The following WNT5A variants were observed in gnomAD, a reference collection of about 807,000 sequenced individuals.
WNT5A encodes the protein Wnt family member 5A.
In WNT5A, 9 loss-of-function variants were observed where a neutral mutation model predicts 42.1. The observed-to-expected ratio is 0.21, with a 90% confidence interval of 0.13 to 0.37. The LOEUF (loss-of-function observed/expected upper bound fraction) is 0.37. Among genes scored for constraint, WNT5A ranks in the 10% least tolerant of loss-of-function variants. The pLI, the probability that WNT5A is intolerant of heterozygous loss-of-function variation, is 1.00. For synonymous variants in WNT5A, 210 were observed against 210.0 expected, an observed-to-expected ratio of 1.00 and a Z score of 0.00; for missense variants, 426 against 534.0, an observed-to-expected ratio of 0.80 and a Z score of 1.99.
chr3:55,474,365 T>C lies in WNT5A; in HGVS notation c.656A>G (p.Asn219Ser). 1 of 1,612,852 alleles carries C rather than the reference T, an allele frequency of 6.2e-7. No individual in the cohort carries two copies. Among genetic ancestry groups the C allele is most frequent in the Non-Finnish European group, 8.5e-7 (1 of 1,179,764 alleles). Residue 219 changes from asparagine (N) to serine (S), a missense_variant, in exon 4 of 5, where the codon AAC becomes AGC. Physicochemically the swap from Asn to Ser is conservative, Grantham distance 46. Coordinates refer to ENST00000264634, the MANE Select transcript of WNT5A (RefSeq NM_003392.7). Reference sequence around the variant, plus strand: ...GCGGCCGGCCTCGTTGTTGTGCAGGTTCATGAGGATGCGAGCACTCTCGTA... The same window carrying C: ...GCGGCCGGCCTCGTTGTTGTGCAGGCTCATGAGGATGCGAGCACTCTCGTA... ...GSYESARILM[N>S]LHNNEAGRRT...
chr3:55,486,939 G>T (rs2051588812), intron 1 of WNT5A, 41 bp downstream of exon 1: 2 of 1,540,678 alleles, frequency 1.3e-6, no homozygotes, highest in Middle Eastern at 1.7e-4. Flanking sequence ...AGGGGGTGGG[G>T]GGAAGTAAAG....
Position 55,485,700 on chromosome 3 carries a change from A to T in WNT5A, c.6+1280T>A, listed in dbSNP as rs186114249. Among the ~76,000 whole-genome samples the T allele has an allele frequency of 1.9e-3, 284 of 152,212 alleles. 2 individuals carry two copies. The highest frequency in any genetic ancestry group is 3.0e-3 in the Non-Finnish European group (203 of 68,010). On this transcript the variant is annotated intron_variant, in intron 1 of 4. Transcript: ENST00000264634. ...GCAGGGGCTGAGGAGGTGCGACCTC[A>T]CCGCAAGGCCCAAGTTACTTCCAAA... is the stretch of plus-strand genomic sequence containing the variant.
chr3:55,500,866 C>T, the WNT5A span, among the ~76,000 whole-genome samples: 1 of 152,182 alleles, frequency 6.6e-6, no homozygotes, highest in Admixed American at 6.5e-5. Flanking sequence ...AAGAACATGA[C>T]TCTGTAATAA....
At chr3:55,475,922 G>A (rs1482495057) in intron 3 of WNT5A, among the ~76,000 whole-genome samples, 3 of 152,078 alleles carry the variant, frequency 2.0e-5, no homozygotes, top group East Asian at 1.9e-4. Context: ...CAGCTGAAGC[G>A]TGGGGTAGGG....
chr3:55,495,207 T>G (rs187823571), upstream of WNT5A, among the ~76,000 whole-genome samples: 1 of 152,230 alleles, frequency 6.6e-6, no homozygotes, highest in Non-Finnish European at 1.5e-5. Context: ...CATCGAAAAT[T>G]TGTAGTCTTA....
rs907091037 is a variant in WNT5A at position 55,474,202 on chromosome 3, C to T, written c.684+135G>A. On this transcript the variant is annotated intron_variant, in intron 4 of 4. Coordinates refer to ENST00000264634, the MANE Select transcript of WNT5A (RefSeq NM_003392.7). ...AGATAGGGAGAGACAGAAAGAGAAG[C>T]AGAGAGATAGAGACAGGACCATATA... is the stretch of plus-strand genomic sequence containing the variant. 5.6e-6 allele frequency: 6 copies of T among 1,078,966 alleles called. No individual in the cohort carries two copies. In the South Asian group the frequency reaches 7.7e-5, roughly 14 times the overall value. 66.8% of individuals were successfully genotyped at this position (1,078,966 alleles called of 1,614,324 possible).
chr3:55,490,133 C>T (rs887583241), upstream of WNT5A: 3 of 152,298 alleles, frequency 2.0e-5, no homozygotes, highest in Non-Finnish European at 4.4e-5. Context: ...CCCAGTGTCC[C>T]AGAGTCCAAG....
upstream of WNT5A, chr3:55,487,379 G>C (rs576476610): frequency 1.6e-4 from 43 of 262,750 alleles, no homozygotes; most frequent in African/African-American, 9.0e-4. Flanking sequence ...CCCAAATGTG[G>C]GCGTGATTGT....
At position 55,469,074 on chromosome 3, in the gene WNT5A, G is replaced by A. The variant is rs1244360067; in HGVS notation, c.*1018C>T. On this transcript the variant is annotated 3_prime_UTR_variant, in exon 5 of 5. Transcript: ENST00000264634. The stretch of plus-strand genomic sequence containing the variant: ...ATCAGAGAGGGCTCAGTGTGAAGAG[G>A]AAGGTGGATTTCACTGTTTTTCCTC... 6.6e-6 allele frequency: 1 copy of A among 152,224 alleles called. No individual in the cohort carries two copies. The highest frequency in any genetic ancestry group is 1.5e-5 in the Non-Finnish European group (1 of 68,056). The allele number at this position is 152,224 out of a possible 1,614,324, so 9.4% of individuals were successfully genotyped here.
chr3:55,490,224 G>A (rs1559561684), upstream of WNT5A: 1 of 152,234 alleles, frequency 6.6e-6, no homozygotes, highest in Non-Finnish European at 1.5e-5. Context: ...AGCCAGTCTA[G>A]AAATACTGGC....
intron 4 of WNT5A, among the ~76,000 whole-genome samples, chr3:55,471,834 C>T (rs972143793): frequency 1.3e-5 from 2 of 152,214 alleles, no homozygotes; most frequent in East Asian, 1.9e-4. Flanking sequence ...TGTCAGGAAC[C>T]TGGAAGCTGG....
Position 55,487,097 on chromosome 3 carries a change from G to T in WNT5A, c.-112C>A. The T allele has an allele frequency of 2.2e-6, 2 of 909,050 alleles. No homozygotes were observed. Among genetic ancestry groups the T allele is most frequent in the Non-Finnish European group, 3.4e-6 (2 of 596,820 alleles). The allele number at this position is 909,050 out of a possible 1,614,324, so 56.3% of individuals were successfully genotyped here. A position where few individuals can be genotyped will look rare whatever the true frequency, so the allele number is the denominator to read the frequency against. On this transcript the variant is annotated 5_prime_UTR_variant, in exon 1 of 5. Coordinates refer to ENST00000264634, the MANE Select transcript of WNT5A (RefSeq NM_003392.7). Reference sequence around the variant, plus strand: ...GGGGGACGGTCAGGAGCAGGGCTGCGGAGTCCTCCGGCGCGCGTCCGGCGG... The same window carrying T: ...GGGGGACGGTCAGGAGCAGGGCTGCTGAGTCCTCCGGCGCGCGTCCGGCGG...
upstream of WNT5A, among the ~76,000 whole-genome samples, chr3:55,494,750 G>A (rs1300622846): frequency 6.6e-6 from 1 of 152,130 alleles, no homozygotes; most frequent in Non-Finnish European, 1.5e-5. Flanking sequence ...TGTTGGCCAG[G>A]CTGGTCTTGA....
intron 3 of WNT5A, among the ~76,000 whole-genome samples, chr3:55,477,045 G>A (rs866137622): frequency 1.1e-4 from 16 of 152,224 alleles, no homozygotes; most frequent in Middle Eastern, 3.4e-3. Flanking sequence ...CAGAGGTGGC[G>A]GCCTGAATTT....
At chr3:55,489,204 C>T (rs923685883), upstream of WNT5A, 3 of 152,308 alleles carry the variant, frequency 2.0e-5, no homozygotes, top group African/African-American at 7.2e-5. Flanking sequence ...GGGCCCCACC[C>T]CACAAACAGT....
chr3:55,486,854 G>A, intron 1 of WNT5A, 126 bp downstream of exon 1: 1 of 769,302 alleles, frequency 1.3e-6, no homozygotes, highest in South Asian at 1.4e-5. Flanking sequence ...AGCGACGCTG[G>A]AGTTCCAGCT....
At chr3:55,494,958 G>C (rs2051700486), upstream of WNT5A, among the ~76,000 whole-genome samples, 1 of 152,146 alleles carries the variant, frequency 6.6e-6, no homozygotes, top group Non-Finnish European at 1.5e-5. Flanking sequence ...TTGGACAAGT[G>C]TTAGACTTTG....
intron 3 of WNT5A, among the ~76,000 whole-genome samples, chr3:55,477,813 G>C (rs942191902): frequency 2.0e-5 from 3 of 152,146 alleles, no homozygotes; most frequent in Non-Finnish European, 4.4e-5. Context: ...CAGATAAACA[G>C]TTCCGATTGC....
At chr3:55,494,231 T>A (rs900813559), upstream of WNT5A, among the ~76,000 whole-genome samples, 1 of 152,246 alleles carries the variant, frequency 6.6e-6, no homozygotes. Context: ...ATCTGTGGCA[T>A]AGGGCTTTGG....
Sources: allele counts gnomAD v4.1 joint callset (sites outside exome capture counted in the v4.1 genomes callset), GRCh38; gene constraint gnomAD v4.1.1; transcripts MANE v1.5; gene names NCBI Gene and HGNC (gene_info 2026-07-23, HGNC 2026-07-21).